Variants in PRKCZ observed in about 807,000 individuals in gnomAD.
PRKCZ encodes protein kinase C zeta.
A neutral mutation model predicts 79.5 loss-of-function variants in PRKCZ; 33 were observed. That is an observed-to-expected ratio of 0.41 (90% CI 0.31 to 0.55). The LOEUF (loss-of-function observed/expected upper bound fraction) is 0.55. Among genes scored for constraint, PRKCZ ranks in the 20% least tolerant of loss-of-function variants. The pLI is 0.19. For missense variants in PRKCZ, 578 were observed against 813.5 expected (o/e 0.71, Z 3.52); for synonymous variants, 342 against 320.9 (o/e 1.07, Z -0.70).
Position 2,172,409 on chromosome 1 carries a change from C to T in PRKCZ, c.1285+21C>T, listed in dbSNP as rs1483171190. The T allele has an allele frequency of 6.2e-7, 1 of 1,603,322 alleles. No individual in the cohort carries two copies. The highest frequency in any genetic ancestry group is 8.5e-7 in the Non-Finnish European group (1 of 1,174,592). On this transcript the variant is annotated intron_variant, in intron 13 of 17. Transcript: ENST00000378567. The surrounding 1 kb of genome is among the most constrained non-coding windows in gnomAD (Gnocchi z 7.8). ...GTACGGTGAGTGCCGCTGCCCTGGC[C>T]CCTCTCGGAGCACACAGGGCCAGAG... is the stretch of plus-strand genomic sequence containing the variant.
At chr1:2,093,244 G>A (rs1219126309) in intron 4 of PRKCZ, among the ~76,000 whole-genome samples, 1 of 152,144 alleles carries the variant, frequency 6.6e-6, no homozygotes, top group Non-Finnish European at 1.5e-5. Context: ...GCATGGTGTG[G>A]TCAGGTGTGG....
chr1:2,052,968 G>GC (rs1659824242), intron 1 of PRKCZ, among the ~76,000 whole-genome samples: 2 of 152,038 alleles, frequency 1.3e-5, no homozygotes, highest in African/African-American at 2.4e-5. Context: ...ACCCCACCCC[G>GC]CCCCCTGTGG....
At chr1:2,052,599 C>T (rs1441014694) in intron 1 of PRKCZ, among the ~76,000 whole-genome samples, 1 of 152,082 alleles carries the variant, frequency 6.6e-6, no homozygotes, top group African/African-American at 2.4e-5. Flanking sequence ...CCCAGGTCCT[C>T]CTCCTCTCTG....
At chr1:2,129,422 G>A (rs977899839) in intron 4 of PRKCZ, among the ~76,000 whole-genome samples, 3 of 152,162 alleles carry the variant, frequency 2.0e-5, no homozygotes, top group African/African-American at 7.2e-5. Context: ...AGAAAGTCAC[G>A]GTGCAGCAGG....
At chr1:2,134,542 C>CA (rs1675767976) in intron 4 of PRKCZ, among the ~76,000 whole-genome samples, 1 of 152,168 alleles carries the variant, frequency 6.6e-6, no homozygotes, top group African/African-American at 2.4e-5. Flanking sequence ...GGCTTGGTGC[C>CA]GCCTTTCTCA....
At position 2,177,822 on chromosome 1, in the gene PRKCZ, CG is replaced by C; in HGVS notation, c.1575+2512del. On this transcript the variant is annotated intron_variant, in intron 16 of 17. Transcript: ENST00000378567. This position sits in a 1 kb window ranked among gnomAD's most constrained non-coding sequence, Gnocchi z 6.4. Reference sequence around the variant, plus strand: ...TCACCCTGCTTCTTCCTGGCTGCTGCGGGCTGTGTTGTGACTTCCATCCCAG... The same window carrying C: ...TCACCCTGCTTCTTCCTGGCTGCTGCGGCTGTGTTGTGACTTCCATCCCAG... Among the ~76,000 whole-genome samples, 1 of 152,274 alleles carries C rather than the reference CG, an allele frequency of 6.6e-6. No homozygotes were observed. The highest frequency in any genetic ancestry group is 1.9e-4 in the East Asian group (1 of 5,176).
intron 4 of PRKCZ, chr1:2,104,816 G>A (rs890908184): frequency 2.0e-6 from 2 of 985,824 alleles, no homozygotes; most frequent in Non-Finnish European, 2.4e-6. Flanking sequence ...GTTGGAGGGC[G>A]CTTCCTCGCC....
intron 4 of PRKCZ, chr1:2,073,741 C>CGG: frequency 1.0e-6 from 1 of 1,000,632 alleles, no homozygotes; most frequent in Non-Finnish European, 1.2e-6. Flanking sequence ...ATGTGAGGGG[C>CGG]GGGGGACAGG....
At chr1:2,081,748 C>T (rs1663562337) in intron 4 of PRKCZ, among the ~76,000 whole-genome samples, 2 of 152,154 alleles carry the variant, frequency 1.3e-5, no homozygotes, top group South Asian at 2.1e-4. Context: ...GCATGGGGCT[C>T]GTGTGGGACT....
At chr1:2,126,088 G>A (rs2102939551) in intron 4 of PRKCZ, among the ~76,000 whole-genome samples, 1 of 152,104 alleles carries the variant, frequency 6.6e-6, no homozygotes, top group African/African-American at 2.4e-5. Flanking sequence ...GTCCTGCGGG[G>A]GCTTCTCAGC....
At chr1:2,158,351 A>G (rs1681522572) in intron 10 of PRKCZ, among the ~76,000 whole-genome samples, 1 of 152,108 alleles carries the variant, frequency 6.6e-6, no homozygotes, top group Non-Finnish European at 1.5e-5. Flanking sequence ...GTAAATTCCA[A>G]GCTTCCTGTG....
At chr1:2,072,727 G>A (rs573539476) in intron 4 of PRKCZ, among the ~76,000 whole-genome samples, 1 of 152,256 alleles carries the variant, frequency 6.6e-6, no homozygotes, top group South Asian at 2.1e-4. Flanking sequence ...GGCCTCTCGG[G>A]GCCGTCCCTC....
chr1:2,051,032 A>G (rs1217855870), intron 1 of PRKCZ: 3 of 252,846 alleles, frequency 1.2e-5, no homozygotes, highest in Admixed American at 1.1e-4. Flanking sequence ...GAAAGTTTTC[A>G]TCAAGTTGTG....
At position 2,174,115 on chromosome 1, in the gene PRKCZ, G is replaced by T; in HGVS notation, c.1405+99G>T. 1 of 1,401,484 alleles carries T rather than the reference G, an allele frequency of 7.1e-7. No individual in the cohort carries two copies. Among genetic ancestry groups the T allele is most frequent in the South Asian group, 1.4e-5 (1 of 69,358 alleles). The allele number at this position is 1,401,484 out of a possible 1,614,324, so 86.8% of individuals were successfully genotyped here. On this transcript the variant is annotated intron_variant, in intron 14 of 17. Transcript: ENST00000378567. This position sits in a 1 kb window ranked among gnomAD's most constrained non-coding sequence, Gnocchi z 6.2. The stretch of plus-strand genomic sequence containing the variant: ...AGGGGTCCCGCGGGTGCCTGGAGCG[G>T]CAGTGCCATGCAAAGCGTACCGGGA...
chr1:2,083,707 G>C (rs1663996647), intron 4 of PRKCZ, among the ~76,000 whole-genome samples: 1 of 152,086 alleles, frequency 6.6e-6, no homozygotes, highest in Non-Finnish European at 1.5e-5. Flanking sequence ...GGAGGCTTGG[G>C]GTGAATTCCA....
rs186587584 is a variant in PRKCZ, at chr1:2,096,182, C to T, written c.334+36591C>T. On this transcript the variant is annotated intron_variant, in intron 4 of 17. Transcript: ENST00000378567. ...GGGGCTGGTCCTCCCTGCGTCTGGC[C>T]TCTGGGTGGGTGGTGGTGGCTTCCT... Among the ~76,000 whole-genome samples, 227 of 151,948 alleles carry T rather than the reference C, an allele frequency of 1.5e-3. 2 individuals are homozygous for T. The highest frequency in any genetic ancestry group is 2.4e-3 in the Non-Finnish European group (163 of 67,938).
intron 4 of PRKCZ, among the ~76,000 whole-genome samples, chr1:2,061,000 A>T (rs547848356): frequency 2.6e-5 from 4 of 152,348 alleles, no homozygotes; most frequent in Non-Finnish European, 4.4e-5. Flanking sequence ...ACATAAACAC[A>T]TAAATAGGAC....
intron 4 of PRKCZ, among the ~76,000 whole-genome samples, chr1:2,119,298 T>A (rs1389083942): frequency 7.0e-6 from 1 of 143,582 alleles, no homozygotes; most frequent in Non-Finnish European, 1.5e-5. Context: ...CACTGCAACC[T>A]CCACCTCCTG....
chr1:2,089,962 G>A (rs1665202335), intron 4 of PRKCZ, among the ~76,000 whole-genome samples: 1 of 152,124 alleles, frequency 6.6e-6, no homozygotes, highest in Non-Finnish European at 1.5e-5. Context: ...CTGGGTTTCG[G>A]CAGGGCTGGT....
Sources: allele counts gnomAD v4.1 joint callset (sites outside exome capture counted in the v4.1 genomes callset), GRCh38; gene constraint gnomAD v4.1.1; non-coding constraint Gnocchi (gnomAD v3.1); transcripts MANE v1.5; gene names NCBI Gene and HGNC (gene_info 2026-07-23, HGNC 2026-07-21).